The following MYH11 variants were observed in gnomAD, a reference collection of about 807,000 sequenced individuals.
MYH11 encodes the protein myosin heavy chain 11.
In MYH11, 80 loss-of-function variants were observed where a neutral mutation model predicts 246.6. That is an observed-to-expected ratio of 0.32 (90% CI 0.27 to 0.39). The LOEUF (loss-of-function observed/expected upper bound fraction) is 0.39, where lower values mean the gene tolerates loss of function less well. MYH11 is among the 10% of genes least tolerant of loss of function. The probability of loss-of-function intolerance (pLI) is 1.00; values close to 1 mark genes in which losing one functional copy is unlikely to be tolerated. For missense variants in MYH11, 2,158 were observed against 2,546.8 expected, an observed-to-expected ratio of 0.85 and a Z score of 3.29; for synonymous variants, 1,071 against 1,015.5, an observed-to-expected ratio of 1.05 and a Z score of -1.04.
rs140480458 is a variant in MYH11, at chr16:15,816,781, G to A, written c.502+6474C>T. 9.5e-5 allele frequency among the ~76,000 whole-genome samples: 13 copies of A among 137,492 alleles called. No individual in the cohort carries two copies. In the East Asian group the frequency reaches 2.6e-3, roughly 28 times the overall value. 90.2% of individuals were successfully genotyped at this position (137,492 alleles called of 152,430 possible). A position where few individuals can be genotyped will look rare whatever the true frequency, so the allele number is the denominator to read the frequency against. The stretch of plus-strand genomic sequence containing the variant: ...GATCAAGTGTTGTTTTCAGAGATAT[G>A]GTGGTAAATACCAAAAAAAAAAAAA... On this transcript the variant is annotated intron_variant, in intron 3 of 40. Coordinates refer to ENST00000300036, the MANE Select transcript of MYH11 (RefSeq NM_002474.3).
chr16:15,717,212 T>C lies in MYH11; in HGVS notation c.5432A>G (p.Lys1811Arg). The C allele has an allele frequency of 6.2e-7, 1 of 1,614,202 alleles. No homozygotes were observed. The highest frequency in any genetic ancestry group is 8.5e-7 in the Non-Finnish European group (1 of 1,180,030). Reference sequence around the variant, plus strand: ...CAGCGCCGCGATGGTGGACTTGAACTTGGACTTGACGGCCCCCTCCATCTC... The same window carrying C: ...CAGCGCCGCGATGGTGGACTTGAACCTGGACTTGACGGCCCCCTCCATCTC... ...LHEMEGAVKS[K>R]FKSTIAALEA... Residue 1811 changes from lysine (K) to arginine (R), a missense_variant, in exon 38 of 41, where the codon AAG becomes AGG. Transcript: ENST00000300036.
chr16:15,753,672 C>T (rs969799194), intron 14 of MYH11, among the ~76,000 whole-genome samples, 164 bp from the exon 15 acceptor site: 8 of 152,138 alleles, frequency 5.3e-5, no homozygotes, highest in Admixed American at 3.9e-4. Context: ...AGTGAAGAGA[C>T]CAACAGCCCA....
chr16:15,713,562 C>T (rs984343812), intron 40 of MYH11: 6 of 152,240 alleles, frequency 3.9e-5, no homozygotes, highest in African/African-American at 1.2e-4. Flanking sequence ...TTGGCTAGAT[C>T]ATGGCTCACT....
At chr16:15,747,525 T>G (rs376222968) in intron 19 of MYH11, 45 bp downstream of exon 19, 1 of 1,613,396 alleles carries the variant, frequency 6.2e-7, no homozygotes, top group Non-Finnish European at 8.5e-7. Context: ...GGCCCCTGTT[T>G]GTGATTCGCG....
At chr16:15,820,934 G>A (rs183551694) in intron 3 of MYH11, among the ~76,000 whole-genome samples, 2 of 152,126 alleles carry the variant, frequency 1.3e-5, no homozygotes, top group African/African-American at 4.8e-5. Flanking sequence ...ATGCAGTGGC[G>A]TGATCTCGGC....
rs112786889 is a variant in MYH11 at position 15,826,142 on chromosome 16, GTTCATTCATTCATTCA to G, written c.346-2747_346-2732del. On this transcript the variant is annotated intron_variant, in intron 2 of 40. Transcript: ENST00000300036. Reference sequence around the variant, plus strand: ...CAGAAACAGAAACTACTGATCGTTCGTTCATTCATTCATTCATTCATTCATTCATTCATTCATTCTG... The same window carrying G: ...CAGAAACAGAAACTACTGATCGTTCGTTCATTCATTCATTCATTCATTCTG... Among the ~76,000 whole-genome samples, 68 of 151,034 alleles carry G rather than the reference GTTCATTCATTCATTCA, an allele frequency of 4.5e-4. 1 individual carries two copies. The South Asian group carries it at 0.013, about 29-fold the overall frequency.
intron 1 of MYH11, among the ~76,000 whole-genome samples, chr16:15,846,620 G>T (rs149337922): frequency 6.6e-6 from 1 of 152,256 alleles, no homozygotes; most frequent in Admixed American, 6.5e-5. Context: ...AAGCCAAGAT[G>T]GGAGGACCAC....
intron 2 of MYH11, among the ~76,000 whole-genome samples, chr16:15,827,533 G>C (rs966663188): frequency 1.3e-5 from 2 of 152,112 alleles, no homozygotes; most frequent in Admixed American, 6.5e-5. Flanking sequence ...GGCTGGGAGT[G>C]GGGGGCTGCC....
At chr16:15,832,537 G>A (rs1488911126) in intron 2 of MYH11, among the ~76,000 whole-genome samples, 1 of 152,222 alleles carries the variant, frequency 6.6e-6, no homozygotes, top group Admixed American at 6.5e-5. Context: ...ATTCTGCAGT[G>A]TCAGGTCCTC....
chr16:15,757,325 T>C (rs936466972), intron 13 of MYH11, among the ~76,000 whole-genome samples: 29 of 150,736 alleles, frequency 1.9e-4, no homozygotes, highest in African/African-American at 6.3e-4. Flanking sequence ...CCCGGCTAAT[T>C]AGTAGAAACC....
Position 15,838,248 on chromosome 16 carries a change from G to A in MYH11, c.5C>T (p.Ala2Val), listed in dbSNP as rs150600829. 3.0e-5 allele frequency: 48 copies of A among 1,613,820 alleles called. No individual in the cohort carries two copies. The highest frequency in any genetic ancestry group is 3.6e-5 in the Non-Finnish European group (43 of 1,179,968). Residue 2 changes from alanine (A) to valine (V), a missense_variant, in exon 2 of 41, where the codon GCG becomes GTG. Coordinates refer to ENST00000300036, the MANE Select transcript of MYH11 (RefSeq NM_002474.3). MAQKGQLSDDEK... is the reference protein window; with the variant it reads MVQKGQLSDDEK... ...ATCGTCACTGAGTTGGCCCTTCTGC[G>A]CCATGGTGCCTTGTTGGTCCCCTGT...
rs1293415321 is a variant in MYH11 at position 15,731,290 on chromosome 16, T to A, written c.3651+1274A>T. On this transcript the variant is annotated intron_variant, in intron 27 of 40. Coordinates refer to ENST00000300036, the MANE Select transcript of MYH11 (RefSeq NM_002474.3). ...CTTCAGTCCTGTAGAGGCCAGAAAG[T>A]GGGGTCTAGGACCAGACTGTTTGGG... 5.9e-5 allele frequency among the ~76,000 whole-genome samples: 9 copies of A among 152,258 alleles called. No homozygotes were observed. The South Asian group carries it at 1.7e-3, about 28-fold the overall frequency.
chr16:15,719,849 C>A, intron 34 of MYH11, 136 bp from the exon 35 acceptor site: 1 of 1,304,162 alleles, frequency 7.7e-7, no homozygotes. Flanking sequence ...ACGAGCATGG[C>A]TCTCAGTTCC....
At chr16:15,724,050 A>G (rs2040619943) in intron 31 of MYH11, 111 bp downstream of exon 31, 13 of 1,539,422 alleles carry the variant, frequency 8.4e-6, no homozygotes, top group South Asian at 1.1e-5. Context: ...GGCTCCCCAC[A>G]GAGTGGAGAG....
intron 40 of MYH11, among the ~76,000 whole-genome samples, chr16:15,710,035 C>T (rs969956826): frequency 3.9e-5 from 6 of 152,202 alleles, no homozygotes; most frequent in African/African-American, 1.4e-4. Context: ...TCCCTCAGGG[C>T]TCTAGTGCCT....
intron 40 of MYH11, among the ~76,000 whole-genome samples, chr16:15,710,704 C>A (rs567322095): frequency 1.2e-4 from 18 of 150,804 alleles, no homozygotes; most frequent in African/African-American, 4.1e-4. Flanking sequence ...TTTTTGGAGA[C>A]AGAGTCTTGC....
chr16:15,789,085 A>G (rs2042550863), intron 4 of MYH11, among the ~76,000 whole-genome samples: 1 of 152,106 alleles, frequency 6.6e-6, no homozygotes, highest in Non-Finnish European at 1.5e-5. Context: ...TCCTGCTTCC[A>G]TGTTATTATA....
chr16:15,846,290 A>G (rs558162531), intron 1 of MYH11, among the ~76,000 whole-genome samples: 1 of 152,288 alleles, frequency 6.6e-6, no homozygotes, highest in South Asian at 2.1e-4. Context: ...GAAGTAAACT[A>G]CAGCTCCACA....
intron 1 of MYH11, among the ~76,000 whole-genome samples, chr16:15,855,357 G>A (rs1474392477): frequency 6.6e-6 from 1 of 152,166 alleles, no homozygotes; most frequent in East Asian, 1.9e-4. Flanking sequence ...AAAGGACACG[G>A]TGATAAACAT....
Sources: gnomAD v4.1 joint callset for allele counts (sites outside exome capture counted in the v4.1 genomes callset) on GRCh38, gnomAD v4.1.1 for gene constraint, MANE v1.5 for transcripts, NCBI Gene and HGNC (gene_info 2026-07-23, HGNC 2026-07-21) for gene names.